Variants in CEP112 observed in about 807,000 individuals in gnomAD.
CEP112 encodes the protein centrosomal protein of 112 kDa.
In CEP112, 127 loss-of-function variants were observed where a neutral mutation model predicts 153.0. That is an observed-to-expected ratio of 0.83 (90% CI 0.72 to 0.96). The LOEUF (loss-of-function observed/expected upper bound fraction) is 0.96. CEP112 is among the 40% of genes least tolerant of loss of function. The pLI is 0.00. For synonymous variants in CEP112, 358 were observed against 374.4 expected (o/e 0.96, Z 0.51); for missense variants, 1,089 against 1,101.2 (o/e 0.99, Z 0.16).
chr17:66,004,949 A>G (rs961946668), intron 17 of CEP112, among the ~76,000 whole-genome samples: 2 of 152,192 alleles, frequency 1.3e-5, no homozygotes, highest in Non-Finnish European at 2.9e-5. Flanking sequence ...CCTTCCTCCA[A>G]TTAAACTCTT....
At chr17:65,948,366 A>G (rs1225971304) in intron 18 of CEP112, among the ~76,000 whole-genome samples, 2 of 151,714 alleles carry the variant, frequency 1.3e-5, no homozygotes, top group African/African-American at 4.9e-5. Context: ...CAAGAGGAGA[A>G]AAATAAATTA....
At chr17:66,109,579 T>C (rs1192897986) in intron 6 of CEP112, among the ~76,000 whole-genome samples, 1 of 151,802 alleles carries the variant, frequency 6.6e-6, no homozygotes, top group Admixed American at 6.6e-5. Context: ...ACTGACAAAA[T>C]GATACCCTAG....
chr17:65,907,166 C>T (rs1438549892), intron 19 of CEP112, among the ~76,000 whole-genome samples: 3 of 152,084 alleles, frequency 2.0e-5, no homozygotes, highest in African/African-American at 7.2e-5. Flanking sequence ...GCTGTGAGAT[C>T]GTTAGTAATG....
chr17:65,996,386 C>T (rs1458681566), intron 17 of CEP112, among the ~76,000 whole-genome samples: 1 of 151,792 alleles, frequency 6.6e-6, no homozygotes, highest in African/African-American at 2.4e-5. Context: ...TTTCCATTTA[C>T]TCAATCTATG....
chr17:66,031,190 T>C lies in CEP112; in HGVS notation c.1219-1167A>G, dbSNP rs181977352. On this transcript the variant is annotated intron_variant, in intron 12 of 26. Coordinates refer to ENST00000535342, the MANE Select transcript of CEP112 (RefSeq NM_001199165.4). ...AGCTCCTTTCAGAAAATAGTTTCCATTTCCTAATATATATTCTAAACACCC... is the reference window on the plus strand; with the variant it reads ...AGCTCCTTTCAGAAAATAGTTTCCACTTCCTAATATATATTCTAAACACCC... 5.7e-3 allele frequency among the ~76,000 whole-genome samples: 861 copies of C among 152,300 alleles called. 6 individuals carry two copies. Among genetic ancestry groups the C allele is most frequent in the Non-Finnish European group, 8.9e-3 (603 of 68,016 alleles).
At chr17:65,949,760 A>G (rs113849552) in intron 18 of CEP112, among the ~76,000 whole-genome samples, 1 of 152,166 alleles carries the variant, frequency 6.6e-6, no homozygotes, top group Non-Finnish European at 1.5e-5. Context: ...TCTGGAACCA[A>G]TTCCACAAAT....
chr17:66,053,943 C>T (rs1189623166), intron 11 of CEP112, 64 bp from the exon 12 acceptor site: 5 of 1,412,202 alleles, frequency 3.5e-6, no homozygotes, highest in East Asian at 2.4e-5. Flanking sequence ...TGTAATTCAG[C>T]GGAAAAAATG....
intron 2 of CEP112, 50 bp from the exon 3 acceptor site, chr17:66,177,070 C>T: frequency 6.9e-7 from 1 of 1,439,040 alleles, no homozygotes; most frequent in Non-Finnish European, 9.4e-7. Flanking sequence ...TAAAATGAAA[C>T]ATTCAATTAC....
chr17:65,752,827 G>A (rs1000685242), intron 21 of CEP112, among the ~76,000 whole-genome samples: 2 of 152,202 alleles, frequency 1.3e-5, no homozygotes, highest in South Asian at 2.1e-4. Context: ...CCTTTTTCAA[G>A]TTCTCAATGC....
chr17:65,870,132 C>T (rs1312197593), intron 20 of CEP112, among the ~76,000 whole-genome samples: 1 of 146,766 alleles, frequency 6.8e-6, no homozygotes, highest in East Asian at 2.0e-4. Context: ...AGTGTATGTG[C>T]TTATCTGAAA....
intron 4 of CEP112, among the ~76,000 whole-genome samples, chr17:66,170,335 T>G (rs1234679179): frequency 1.3e-5 from 2 of 152,206 alleles, no homozygotes; most frequent in African/African-American, 4.8e-5. Flanking sequence ...TATATTGATA[T>G]AGCTCATGAT....
chr17:66,159,589 A>C (rs907022415), intron 4 of CEP112, among the ~76,000 whole-genome samples: 3 of 152,238 alleles, frequency 2.0e-5, no homozygotes, highest in African/African-American at 7.2e-5. Flanking sequence ...AATAGAACCA[A>C]TGACAAAAAC....
intron 6 of CEP112, among the ~76,000 whole-genome samples, chr17:66,100,409 GAAA>G (rs35510367): frequency 2.6e-4 from 31 of 118,392 alleles, no homozygotes; most frequent in African/African-American, 6.5e-4. Flanking sequence ...TCAAAAAACA[GAAA>G]AAAAAAAAAA....
intron 24 of CEP112, among the ~76,000 whole-genome samples, chr17:65,643,420 C>T (rs59396465): frequency 0.14 from 21,563 of 151,900 alleles, 1,926 homozygotes; most frequent in East Asian, 0.48. Context: ...GCCTCAGCCT[C>T]CTGAGTAGCT....
intron 8 of CEP112, among the ~76,000 whole-genome samples, chr17:66,079,226 G>A (rs2067621620): frequency 6.6e-6 from 1 of 152,110 alleles, no homozygotes; most frequent in African/African-American, 2.4e-5. Flanking sequence ...GATCACCTGA[G>A]GTCAGTAGTT....
At chr17:66,189,993 C>G (rs1183031333) in intron 1 of CEP112, among the ~76,000 whole-genome samples, 1 of 152,128 alleles carries the variant, frequency 6.6e-6, no homozygotes, top group African/African-American at 2.4e-5. Context: ...GATCACACCA[C>G]TGCACTCCAG....
At chr17:65,750,976 AAG>A (rs774263082) in intron 21 of CEP112, 40 of 407,308 alleles carry the variant, frequency 9.8e-5, no homozygotes, top group Admixed American at 2.5e-4. Flanking sequence ...GAAAGGGAGA[AAG>A]AGAGACAGAA....
chr17:66,175,020 C>G, intron 4 of CEP112, 24 bp downstream of exon 4: 3 of 1,451,042 alleles, frequency 2.1e-6, no homozygotes, highest in Non-Finnish European at 2.8e-6. Flanking sequence ...GAAACACATT[C>G]AAAATCCCAT....
chr17:65,944,101 C>T (rs2061580569), intron 18 of CEP112, among the ~76,000 whole-genome samples: 2 of 152,142 alleles, frequency 1.3e-5, no homozygotes. Context: ...AGCAAACTAA[C>T]ACAGGAACAG....
Sources: gnomAD v4.1 joint callset for allele counts (sites outside exome capture counted in the v4.1 genomes callset) on GRCh38, gnomAD v4.1.1 for gene constraint, MANE v1.5 for transcripts, NCBI Gene and HGNC (gene_info 2026-07-23, HGNC 2026-07-21) for gene names.